Variants in SAP30BP observed in about 807,000 individuals in gnomAD.
SAP30BP encodes the protein SAP30-binding protein.
SAP30BP carries 31 observed loss-of-function variants against 46.3 expected under a neutral mutation model. The ratio of observed to expected loss-of-function variants is 0.67; its 90% CI spans 0.50 to 0.90. The LOEUF (loss-of-function observed/expected upper bound fraction) is 0.90, where lower values mean the gene tolerates loss of function less well. SAP30BP is among the 40% of genes least tolerant of loss of function. SAP30BP has a pLI of 0.00. For synonymous variants in SAP30BP, 169 were observed against 144.2 expected, an observed-to-expected ratio of 1.17 and a Z score of -1.23; for missense variants, 312 against 391.0, an observed-to-expected ratio of 0.80 and a Z score of 1.70.
Position 75,706,467 on chromosome 17 carries a change from C to T in SAP30BP, c.873C>T (p.Ser291=). 1 of 1,614,164 alleles carries T rather than the reference C, an allele frequency of 6.2e-7. No homozygotes were observed. Among genetic ancestry groups the T allele is most frequent in the Non-Finnish European group, 8.5e-7 (1 of 1,180,040 alleles). ...VVTVTTSASG[S]KTTVISAVGT... The stretch of plus-strand genomic sequence containing the variant: ...CGGTCACCACCAGCGCCAGCGGCTC[C>T]AAGACCACCGTCATCTCTGCTGTGG... Residue 291 remains serine, a synonymous_variant, in exon 11 of 11, where the codon TCC becomes TCT. Transcript: ENST00000584667. The surrounding 1 kb of genome is among the most constrained non-coding windows in gnomAD (Gnocchi z 4.6).
In SAP30BP at chr17:75,672,008, A is replaced by G. The variant is rs2059914760; in HGVS notation, c.264+145A>G. The G allele has an allele frequency of 1.2e-5, 9 of 728,318 alleles. No homozygotes were observed. In the East Asian group the frequency reaches 2.3e-4, roughly 18 times the overall value. 45.1% of individuals were successfully genotyped at this position (728,318 alleles called of 1,614,324 possible). The stretch of plus-strand genomic sequence containing the variant: ...TTTTCTGGGATAAAATAAGCTTTAT[A>G]AAGAAAGAACCTGGAGACAACTCAG... On this transcript the variant is annotated intron_variant, in intron 3 of 10. Coordinates refer to ENST00000584667, the MANE Select transcript of SAP30BP (RefSeq NM_013260.8).
At chr17:75,703,055 A>C in intron 6 of SAP30BP, 5 of 522,514 alleles carry the variant, frequency 9.6e-6, no homozygotes, top group Admixed American at 3.3e-5. Context: ...GAGTGTGGTA[A>C]GCCCAATCCA....
chr17:75,691,611 C>G, intron 3 of SAP30BP: 1 of 398,810 alleles, frequency 2.5e-6, no homozygotes, highest in Non-Finnish European at 4.9e-6. Flanking sequence ...ATGGTAGACT[C>G]CTTGTGTGGG....
At chr17:75,691,079 A>G (rs560857514) in intron 3 of SAP30BP, among the ~76,000 whole-genome samples, 15 of 152,276 alleles carry the variant, frequency 9.9e-5, no homozygotes, top group African/African-American at 3.1e-4. Context: ...GGGAAGGCTC[A>G]TGGAGCTGGA....
chr17:75,706,139 G>A lies in SAP30BP; in HGVS notation c.745+47G>A, dbSNP rs768388377. On this transcript the variant is annotated intron_variant, in intron 10 of 10. Coordinates refer to ENST00000584667, the MANE Select transcript of SAP30BP (RefSeq NM_013260.8). This position sits in a 1 kb window ranked among gnomAD's most constrained non-coding sequence, Gnocchi z 4.6. Reference sequence around the variant, plus strand: ...CCTCCTGCCACACACATGGAGCCAGGGTCTCCCTGGCTTGTTTGGGCGACA... The same window carrying A: ...CCTCCTGCCACACACATGGAGCCAGAGTCTCCCTGGCTTGTTTGGGCGACA... 14 of 1,588,248 alleles carry A rather than the reference G, an allele frequency of 8.8e-6. No homozygotes were observed. Among genetic ancestry groups the A allele is most frequent in the African/African-American group, 2.7e-5 (2 of 74,672 alleles).
chr17:75,677,253 C>T (rs1044116009), intron 3 of SAP30BP, among the ~76,000 whole-genome samples: 2 of 150,736 alleles, frequency 1.3e-5, no homozygotes, highest in African/African-American at 2.4e-5. Context: ...TACAGGCACG[C>T]GCCACCATGG....
chr17:75,690,157 C>T (rs943921212), intron 3 of SAP30BP, among the ~76,000 whole-genome samples: 1 of 152,086 alleles, frequency 6.6e-6, no homozygotes, highest in Non-Finnish European at 1.5e-5. Flanking sequence ...AATCGTTCAT[C>T]ACATGTTTTT....
At chr17:75,669,843 G>A (rs1435664516) in intron 2 of SAP30BP, among the ~76,000 whole-genome samples, 1 of 152,196 alleles carries the variant, frequency 6.6e-6, no homozygotes, top group Non-Finnish European at 1.5e-5. Flanking sequence ...ATAATCACCT[G>A]AGCAACATGA....
In SAP30BP at chr17:75,707,155, C is replaced by T. The variant is rs910776880; in HGVS notation, c.*634C>T. On this transcript the variant is annotated 3_prime_UTR_variant, in exon 11 of 11. Transcript: ENST00000584667. ...TTTCCAGAAGGGCTGGGGTGAGATC[C>T]TGACCTGTGCAGAGAGTGGGGAGGC... The T allele has an allele frequency of 3.9e-4, 60 of 154,818 alleles. No individual in the cohort carries two copies. Among genetic ancestry groups the T allele is most frequent in the African/African-American group, 1.4e-3 (59 of 41,604 alleles). 9.6% of individuals were successfully genotyped at this position (154,818 alleles called of 1,614,324 possible).
chr17:75,699,561 CTGAA>C (rs1448684853), intron 4 of SAP30BP, among the ~76,000 whole-genome samples: 2 of 152,038 alleles, frequency 1.3e-5, no homozygotes, highest in African/African-American at 4.8e-5. Flanking sequence ...TTCCCTCTGC[CTGAA>C]CTTTTCTTCT....
At chr17:75,705,591 C>G (rs1434010660) in intron 9 of SAP30BP, 1 of 1,029,612 alleles carries the variant, frequency 9.7e-7, no homozygotes, top group African/African-American at 1.7e-5. Flanking sequence ...CTCTCTTTCC[C>G]TCTCCCTTCC....
At position 75,704,885 on chromosome 17, in the gene SAP30BP, G is replaced by A; in HGVS notation, c.660+71G>A. 11 of 1,274,532 alleles carry A rather than the reference G, an allele frequency of 8.6e-6. No individual in the cohort carries two copies. In the South Asian group the frequency reaches 1.3e-4, roughly 15 times the overall value. 79.0% of individuals were successfully genotyped at this position (1,274,532 alleles called of 1,614,324 possible). Reference sequence around the variant, plus strand: ...GCATGGGTCCTGCTGGCTGAGCCCAGAAGGTGTCCAGGCTGCCCCCAACCC... The same window carrying A: ...GCATGGGTCCTGCTGGCTGAGCCCAAAAGGTGTCCAGGCTGCCCCCAACCC... On this transcript the variant is annotated intron_variant, in intron 9 of 10. Transcript: ENST00000584667.
chr17:75,678,066 A>G (rs2060019513), intron 3 of SAP30BP, among the ~76,000 whole-genome samples: 1 of 152,098 alleles, frequency 6.6e-6, no homozygotes, highest in South Asian at 2.1e-4. Context: ...TCAGAGTAAG[A>G]TGATTCAGCC....
At chr17:75,678,263 C>T (rs1349745624) in intron 3 of SAP30BP, among the ~76,000 whole-genome samples, 1 of 151,980 alleles carries the variant, frequency 6.6e-6, no homozygotes, top group Non-Finnish European at 1.5e-5. Context: ...ATCCCAGGAC[C>T]CCCTCCTCAG....
At position 75,668,500 on chromosome 17, in the gene SAP30BP, T is replaced by C. The variant is rs766779396; in HGVS notation, c.107-16T>C. On this transcript the variant is annotated splice_polypyrimidine_tract_variant and intron_variant, in intron 1 of 10. Coordinates refer to ENST00000584667, the MANE Select transcript of SAP30BP (RefSeq NM_013260.8). The stretch of plus-strand genomic sequence containing the variant: ...TTCTTGCTTTTTGTTTGTTTGTTTG[T>C]TTTTTAACCTTTCAGAGGAGAAAGG... The C allele has an allele frequency of 6.8e-7, 1 of 1,468,618 alleles. No individual in the cohort carries two copies. The highest frequency in any genetic ancestry group is 9.2e-7 in the Non-Finnish European group (1 of 1,084,832). The allele number at this position is 1,468,618 out of a possible 1,614,324, so 91.0% of individuals were successfully genotyped here.
chr17:75,674,697 GTTTTT>G (rs66721865), intron 3 of SAP30BP, among the ~76,000 whole-genome samples: 1 of 61,552 alleles, frequency 1.6e-5, no homozygotes, highest in African/African-American at 5.2e-5. Flanking sequence ...TTTGTTTTTT[GTTTTT>G]TTTTTTTTTT....
rs1555715580 is a variant in SAP30BP at position 75,667,380 on chromosome 17, G to A, written c.8G>A (p.Gly3Glu). 1.4e-5 allele frequency: 23 copies of A among 1,614,200 alleles called. No individual in the cohort carries two copies. Among genetic ancestry groups the A allele is most frequent in the Non-Finnish European group, 1.9e-5 (23 of 1,180,014 alleles). The change falls in exon 1 of 11, where the codon GGG becomes GAG. Residue 3 changes from glycine (G) to glutamate (E), a missense_variant. Coordinates refer to ENST00000584667, the MANE Select transcript of SAP30BP (RefSeq NM_013260.8). ...CCGGGCTGTGGGAATAAGATGGCGG[G>A]GAAGAAGAATGTTCTGTCGTCTCTC... The part of the protein sequence containing the change: MA[G>E]KKNVLSSLAV...
chr17:75,699,518 A>C (rs184812911), intron 4 of SAP30BP, among the ~76,000 whole-genome samples: 7 of 152,216 alleles, frequency 4.6e-5, no homozygotes, highest in African/African-American at 1.2e-4. Flanking sequence ...AAAAAAAAAA[A>C]AAAACGGAAA....
intron 3 of SAP30BP, chr17:75,690,850 G>T: frequency 2.3e-6 from 1 of 434,642 alleles, no homozygotes. Flanking sequence ...TGACACCAAT[G>T]GGAATCTGAA....
Sources: gnomAD v4.1 joint callset for allele counts (sites outside exome capture counted in the v4.1 genomes callset) on GRCh38, gnomAD v4.1.1 for gene constraint, Gnocchi (gnomAD v3.1) non-coding constraint, MANE v1.5 for transcripts, NCBI Gene and HGNC (gene_info 2026-07-23, HGNC 2026-07-21) for gene names.